RICTOR: variants seen among roughly 807,000 people sequenced by gnomAD.
RICTOR encodes the protein RPTOR independent companion of MTOR complex 2.
Under a neutral mutation model 214.9 loss-of-function variants are expected in RICTOR, and 49 were observed. The observed-to-expected ratio is 0.23, with a 90% CI of 0.18 to 0.29. The LOEUF is 0.29. RICTOR is among the 10% of genes least tolerant of loss of function. The pLI is 1.00. For synonymous variants in RICTOR, 717 were observed against 711.3 expected, an observed-to-expected ratio of 1.01 and a Z score of -0.13; for missense variants, 1,625 against 2,047.0, an observed-to-expected ratio of 0.79 and a Z score of 3.98.
At chr5:39,050,724 C>A (rs769473387) in intron 2 of RICTOR, among the ~76,000 whole-genome samples, 7 of 152,132 alleles carry the variant, frequency 4.6e-5, no homozygotes, top group Non-Finnish European at 1.0e-4. Context: ...GAAATACATA[C>A]TGATGATCTG....
chr5:39,010,023 C>T (rs571107577), intron 3 of RICTOR, among the ~76,000 whole-genome samples: 1 of 152,296 alleles, frequency 6.6e-6, no homozygotes, highest in South Asian at 2.1e-4. Flanking sequence ...ACCAAAATCT[C>T]ACCTTGAATT....
chr5:39,043,825 G>A (rs372829002), intron 2 of RICTOR, among the ~76,000 whole-genome samples: 1 of 152,118 alleles, frequency 6.6e-6, no homozygotes, highest in South Asian at 2.1e-4. Context: ...AGCGACCTGA[G>A]CTAGCACATT....
intron 2 of RICTOR, among the ~76,000 whole-genome samples, chr5:39,024,675 C>T (rs190119137): frequency 3.3e-5 from 5 of 152,204 alleles, no homozygotes; most frequent in Non-Finnish European, 1.5e-5. Context: ...TGTCAGGCAC[C>T]AAACAGATTA....
At chr5:38,980,344 T>C (rs762934141) in intron 8 of RICTOR, among the ~76,000 whole-genome samples, 21 of 152,196 alleles carry the variant, frequency 1.4e-4, no homozygotes, top group African/African-American at 3.1e-4. Flanking sequence ...CCAAGTGATG[T>C]TATCTCCCAC....
chr5:39,064,377 T>C (rs1050569665), intron 2 of RICTOR, among the ~76,000 whole-genome samples: 1 of 152,226 alleles, frequency 6.6e-6, no homozygotes, highest in African/African-American at 2.4e-5. Context: ...CAAAAATCTG[T>C]GCTAATAATT....
At chr5:38,990,665 A>AGATATATATGATATATCT (rs1554067970) in intron 7 of RICTOR, among the ~76,000 whole-genome samples, 7 of 8,774 alleles carry the variant, frequency 8.0e-4, no homozygotes, top group Non-Finnish European at 1.8e-3. Context: ...GATATATATC[A>AGATATATATGATATATCT]GATATATATC....
At chr5:38,983,569 A>G (rs2150064861) in intron 7 of RICTOR, among the ~76,000 whole-genome samples, 2 of 152,346 alleles carry the variant, frequency 1.3e-5, no homozygotes, top group East Asian at 3.8e-4. Flanking sequence ...TTTGAGATAA[A>G]TATTCTTGAA....
At chr5:38,993,512 A>T (rs1303627155) in intron 6 of RICTOR, among the ~76,000 whole-genome samples, 2 of 152,114 alleles carry the variant, frequency 1.3e-5, no homozygotes, top group Non-Finnish European at 2.9e-5. Flanking sequence ...CAGACAGAAC[A>T]TTTCCAAATG....
At chr5:38,970,264 GTATAAGGCC>G (rs1282310386) in intron 11 of RICTOR, 1 of 152,254 alleles carries the variant, frequency 6.6e-6, no homozygotes, top group East Asian at 1.9e-4. Flanking sequence ...TTTTGAAACT[GTATAAGGCC>G]TATATTAGAG....
At chr5:39,064,832 T>G (rs1437780442) in intron 2 of RICTOR, among the ~76,000 whole-genome samples, 3 of 152,238 alleles carry the variant, frequency 2.0e-5, no homozygotes, top group Admixed American at 6.5e-5. Flanking sequence ...TTTTCAATAT[T>G]CCAGGTCTGT....
chr5:39,046,956 C>T (rs1028138806), intron 2 of RICTOR, among the ~76,000 whole-genome samples: 2 of 152,032 alleles, frequency 1.3e-5, no homozygotes, highest in Admixed American at 6.5e-5. Flanking sequence ...CTCAAAAGTT[C>T]GATTCTAAAA....
chr5:39,060,444 A>C (rs1269399937), intron 2 of RICTOR, among the ~76,000 whole-genome samples: 1 of 152,072 alleles, frequency 6.6e-6, no homozygotes, highest in Non-Finnish European at 1.5e-5. Context: ...AGGGATAATA[A>C]CTGCATTGTA....
At chr5:38,995,146 G>C (rs566786218) in intron 6 of RICTOR, among the ~76,000 whole-genome samples, 1 of 152,072 alleles carries the variant, frequency 6.6e-6, no homozygotes, top group African/African-American at 2.4e-5. Context: ...TTATTTTTTG[G>C]AAAATATAGT....
intron 27 of RICTOR, 164 bp downstream of exon 27, chr5:38,954,610 T>C (rs1209109136): frequency 5.4e-6 from 3 of 551,202 alleles, no homozygotes; most frequent in Admixed American, 3.3e-5. Flanking sequence ...TTAATAAATA[T>C]AGAATGCCTA....
intron 2 of RICTOR, among the ~76,000 whole-genome samples, chr5:39,037,793 CA>C (rs1415701909): frequency 6.6e-6 from 1 of 152,164 alleles, no homozygotes; most frequent in African/African-American, 2.4e-5. Context: ...CTGAATACAC[CA>C]ATAACAGGCT....
chr5:38,981,436 C>T (rs1444849161), intron 8 of RICTOR: 3 of 155,746 alleles, frequency 1.9e-5, no homozygotes, highest in African/African-American at 4.8e-5. Flanking sequence ...TACATACATG[C>T]TTTCTTTCAA....
chr5:38,947,557 A>G, intron 31 of RICTOR, 116 bp from the exon 32 acceptor site: 1 of 719,892 alleles, frequency 1.4e-6, no homozygotes, highest in Non-Finnish European at 2.3e-6. Flanking sequence ...TCATGTATTA[A>G]GCAGTGTCAT....
chr5:38,963,275 A>G (rs1242903342), intron 16 of RICTOR, among the ~76,000 whole-genome samples: 1 of 152,006 alleles, frequency 6.6e-6, no homozygotes, highest in African/African-American at 2.4e-5. Context: ...CTTTTCTTCT[A>G]TGGTGGTAGG....
intron 2 of RICTOR, among the ~76,000 whole-genome samples, chr5:39,022,161 A>G (rs1755472943): frequency 6.6e-6 from 1 of 152,204 alleles, no homozygotes; most frequent in African/African-American, 2.4e-5. Context: ...GAGAATGTTT[A>G]AGGTAGGCTA....
Sources: allele counts gnomAD v4.1 joint callset (sites outside exome capture counted in the v4.1 genomes callset), GRCh38; gene constraint gnomAD v4.1.1; transcripts MANE v1.5; gene names NCBI Gene and HGNC (gene_info 2026-07-23, HGNC 2026-07-21).